Variants in SH2D4B observed in about 807,000 individuals in gnomAD.
The protein encoded by SH2D4B is SH2 domain-containing protein 4B.
SH2D4B carries 45 observed loss-of-function variants against 61.5 expected under a neutral mutation model. That is an observed-to-expected ratio of 0.73 (90% confidence interval 0.58 to 0.94). The LOEUF (loss-of-function observed/expected upper bound fraction) is 0.94, where lower values mean the gene tolerates loss of function less well. Ranked by LOEUF, SH2D4B falls within the 40% of genes least tolerant of loss-of-function variation. The probability of loss-of-function intolerance (pLI) is 0.00; values close to 1 mark genes in which losing one functional copy is unlikely to be tolerated. For synonymous variants in SH2D4B, 224 were observed against 220.4 expected, an observed-to-expected ratio of 1.02 and a Z score of -0.14; for missense variants, 572 against 574.2, an observed-to-expected ratio of 1.00 and a Z score of 0.04.
intron 3 of SH2D4B, among the ~76,000 whole-genome samples, chr10:80,572,718 G>A (rs567859378): frequency 6.7e-6 from 1 of 149,732 alleles, no homozygotes; most frequent in South Asian, 2.1e-4. Flanking sequence ...CTCCCGGGTT[G>A]AAGGGATTCT....
At chr10:80,615,339 G>A (rs553831042) in intron 6 of SH2D4B, among the ~76,000 whole-genome samples, 50 of 152,332 alleles carry the variant, frequency 3.3e-4, no homozygotes, top group African/African-American at 1.2e-3. Flanking sequence ...CAGGGGAGCT[G>A]GGATGAAAAA....
chr10:80,628,119 T>C (rs1842784226), intron 6 of SH2D4B, among the ~76,000 whole-genome samples: 2 of 152,094 alleles, frequency 1.3e-5, no homozygotes, highest in Admixed American at 6.5e-5. Flanking sequence ...AGGTGGGTGA[T>C]GATTCATGCT....
At chr10:80,552,419 C>G (rs984140798) in intron 1 of SH2D4B, among the ~76,000 whole-genome samples, 1 of 152,188 alleles carries the variant, frequency 6.6e-6, no homozygotes, top group African/African-American at 2.4e-5. Context: ...CCTGAGCTGC[C>G]CTAGCTTCCT....
chr10:80,615,334 G>A (rs1161911938), intron 6 of SH2D4B, among the ~76,000 whole-genome samples: 2 of 152,248 alleles, frequency 1.3e-5, no homozygotes, highest in Non-Finnish European at 2.9e-5. Flanking sequence ...GTCAGCAGGG[G>A]AGCTGGGATG....
At chr10:80,595,681 A>G (rs187536339) in intron 4 of SH2D4B, among the ~76,000 whole-genome samples, 13 of 152,276 alleles carry the variant, frequency 8.5e-5, no homozygotes, top group Admixed American at 1.3e-4. Flanking sequence ...TGCTATTCAG[A>G]TAAGAGTCAA....
intron 6 of SH2D4B, among the ~76,000 whole-genome samples, chr10:80,616,004 G>T (rs1333386724): frequency 1.3e-5 from 2 of 152,072 alleles, no homozygotes. Flanking sequence ...CGTGCAAGGT[G>T]GTTCATCTCT....
chr10:80,634,143 C>A, intron 6 of SH2D4B, 142 bp from the exon 7 acceptor site: 2 of 1,172,178 alleles, frequency 1.7e-6, no homozygotes, highest in Non-Finnish European at 2.2e-6. Flanking sequence ...GCCCTTGGGG[C>A]TCTTTCCTTC....
chr10:80,610,329 C>T (rs1219574284), intron 6 of SH2D4B, among the ~76,000 whole-genome samples: 1 of 152,114 alleles, frequency 6.6e-6, no homozygotes, highest in Admixed American at 6.5e-5. Context: ...ATTGTCTGTC[C>T]TCCCACCTGA....
rs186645608 is a variant in SH2D4B, at chr10:80,641,816, A to C, written c.1210-2177A>C. On this transcript the variant is annotated intron_variant, in intron 7 of 7. Coordinates refer to ENST00000646907, the MANE Select transcript of SH2D4B (RefSeq NM_001388272.1). ...CAAAACCTTTGAGACTCACAGTTTC[A>C]TTTCTAACACTAAGGAGAGATATCA... Among the ~76,000 whole-genome samples the C allele has an allele frequency of 1.6e-3, 249 of 152,352 alleles. 1 individual carries two copies. The highest frequency in any genetic ancestry group is 5.8e-3 in the African/African-American group (243 of 41,578).
At chr10:80,603,471 A>G (rs780402249) in intron 4 of SH2D4B, 108 bp from the exon 5 acceptor site, 9 of 1,041,662 alleles carry the variant, frequency 8.6e-6, no homozygotes, top group Admixed American at 2.9e-5. Context: ...ATTTTTTGCC[A>G]CTACATTGCA....
Position 80,540,994 on chromosome 10 carries a change from G to A in SH2D4B, c.184+2479G>A. On this transcript the variant is annotated intron_variant, in intron 1 of 7. Transcript: ENST00000646907. ...GAAACTGTCTTGAGAAAGAACTCGG[G>A]AATGAGTCAGAATGATAGGAAAGGC... The A allele has an allele frequency of 3.5e-6, 4 of 1,131,088 alleles. No individual in the cohort carries two copies. The South Asian group carries it at 5.3e-5, about 15-fold the overall frequency. 70.1% of individuals were successfully genotyped at this position (1,131,088 alleles called of 1,614,324 possible).
At chr10:80,632,343 C>T (rs531615959) in intron 6 of SH2D4B, among the ~76,000 whole-genome samples, 2 of 152,004 alleles carry the variant, frequency 1.3e-5, no homozygotes, top group Non-Finnish European at 2.9e-5. Flanking sequence ...TTAGCCATCC[C>T]GCAGTGCATA....
intron 1 of SH2D4B, among the ~76,000 whole-genome samples, chr10:80,546,255 C>T (rs1482551056): frequency 1.3e-5 from 2 of 151,778 alleles, no homozygotes; most frequent in Admixed American, 1.3e-4. Context: ...AGCATGTTGC[C>T]TAGACTGCTC....
chr10:80,549,538 C>A lies in SH2D4B; in HGVS notation c.184+11023C>A, dbSNP rs192936068. On this transcript the variant is annotated intron_variant, in intron 1 of 7. Coordinates refer to ENST00000646907, the MANE Select transcript of SH2D4B (RefSeq NM_001388272.1). ...TCAGACCCTTCATCTGTAATGGGCA[C>A]GGTCTTTACTGAAACCACCTCCCTC... Among the ~76,000 whole-genome samples, 1,141 of 152,256 alleles carry A rather than the reference C, an allele frequency of 7.5e-3. 16 individuals are homozygous for A. Among genetic ancestry groups the A allele is most frequent in the African/African-American group, 0.026 (1,093 of 41,526 alleles).
At chr10:80,589,757 G>A (rs561828292) in intron 4 of SH2D4B, among the ~76,000 whole-genome samples, 2 of 152,304 alleles carry the variant, frequency 1.3e-5, no homozygotes, top group South Asian at 4.1e-4. Context: ...GCTTGCTGGT[G>A]ACACAGGAAT....
At chr10:80,565,810 G>A (rs1385534113) in intron 1 of SH2D4B, among the ~76,000 whole-genome samples, 1 of 152,080 alleles carries the variant, frequency 6.6e-6, no homozygotes, top group Non-Finnish European at 1.5e-5. Flanking sequence ...GTGAAGAGTG[G>A]CCGGGCGTGG....
At chr10:80,602,502 G>A (rs1473284065) in intron 4 of SH2D4B, among the ~76,000 whole-genome samples, 1 of 152,156 alleles carries the variant, frequency 6.6e-6, no homozygotes. Flanking sequence ...ATATGTGTAT[G>A]TGAAGACAGA....
intron 1 of SH2D4B, among the ~76,000 whole-genome samples, chr10:80,553,738 C>T (rs186834060): frequency 6.6e-6 from 1 of 152,202 alleles, no homozygotes; most frequent in Non-Finnish European, 1.5e-5. Context: ...TGCTCATACA[C>T]AGCAAAGGCA....
At chr10:80,607,593 T>C (rs926004120) in intron 5 of SH2D4B, 4 of 152,272 alleles carry the variant, frequency 2.6e-5, no homozygotes, top group Admixed American at 2.0e-4. Context: ...TGCATGTGCA[T>C]GTGTGAATGT....
Sources: allele counts gnomAD v4.1 joint callset (sites outside exome capture counted in the v4.1 genomes callset), GRCh38; gene constraint gnomAD v4.1.1; transcripts MANE v1.5; gene names NCBI Gene and HGNC (gene_info 2026-07-23, HGNC 2026-07-21).